The following HMCN1 variants were observed in gnomAD, a reference collection of about 807,000 sequenced individuals.
HMCN1 encodes the protein hemicentin-1.
HMCN1 carries 321 observed loss-of-function variants against 625.9 expected under a neutral mutation model. The observed-to-expected ratio is 0.51, with a 90% CI of 0.47 to 0.56. The LOEUF is 0.56. Among genes scored for constraint, HMCN1 ranks in the 20% least tolerant of loss-of-function variants. The pLI, the probability that HMCN1 is intolerant of heterozygous loss-of-function variation, is 0.00. For synonymous variants in HMCN1, 2,425 were observed against 2,417.6 expected (o/e 1.00, Z -0.09); for missense variants, 6,588 against 6,887.3 (o/e 0.96, Z 1.54).
chr1:185,888,560 G>C (rs1219919577), intron 4 of HMCN1, among the ~76,000 whole-genome samples: 7 of 142,952 alleles, frequency 4.9e-5, no homozygotes, highest in South Asian at 2.1e-4. Flanking sequence ...ATTTATTAAA[G>C]AGGGAATCCT....
chr1:185,852,473 G>A (rs1662221254), intron 2 of HMCN1, among the ~76,000 whole-genome samples: 1 of 151,596 alleles, frequency 6.6e-6, no homozygotes, highest in South Asian at 2.1e-4. Context: ...AGCTATCAGA[G>A]GTTTGATTTT....
Position 186,083,062 on chromosome 1 carries a change from A to G in HMCN1, c.8884+101A>G, listed in dbSNP as rs1189310930. Reference sequence around the variant, plus strand: ...GCTTATTTTGTATTTTTTAACTTAAACAATGTGAGGAGCCTATACTCATTC... The same window carrying G: ...GCTTATTTTGTATTTTTTAACTTAAGCAATGTGAGGAGCCTATACTCATTC... On this transcript the variant is annotated intron_variant, in intron 57 of 106. Coordinates refer to ENST00000271588, the MANE Select transcript of HMCN1 (RefSeq NM_031935.3). 3 of 578,512 alleles carry G rather than the reference A, an allele frequency of 5.2e-6. No homozygotes were observed. In the East Asian group the frequency reaches 9.3e-5, roughly 18 times the overall value. The allele number at this position is 578,512 out of a possible 1,614,324, so 35.8% of individuals were successfully genotyped here.
At chr1:185,981,392 A>G (rs1651626091) in intron 17 of HMCN1, among the ~76,000 whole-genome samples, 1 of 151,974 alleles carries the variant, frequency 6.6e-6, no homozygotes, top group Non-Finnish European at 1.5e-5. Flanking sequence ...TACATTTGTT[A>G]TTTTAGTCAA....
chr1:185,960,310 G>A (rs1036561720), intron 11 of HMCN1, among the ~76,000 whole-genome samples: 28 of 151,774 alleles, frequency 1.8e-4, no homozygotes, highest in African/African-American at 6.3e-4. Context: ...TGTATTTTTG[G>A]TAGAGACAGA....
chr1:185,987,599 C>A, intron 20 of HMCN1, 55 bp downstream of exon 20: 1 of 1,150,258 alleles, frequency 8.7e-7, no homozygotes, highest in Non-Finnish European at 1.3e-6. Context: ...AGTTCACCTG[C>A]AAGTTATCCC....
chr1:185,941,165 T>A (rs190101026), intron 11 of HMCN1, among the ~76,000 whole-genome samples: 98 of 152,298 alleles, frequency 6.4e-4, no homozygotes, highest in Non-Finnish European at 9.4e-4. Flanking sequence ...CTCTGAATAC[T>A]TTTTAAAGAG....
At chr1:185,836,938 T>C (rs1219909658) in intron 1 of HMCN1, among the ~76,000 whole-genome samples, 1 of 152,042 alleles carries the variant, frequency 6.6e-6, no homozygotes, top group Admixed American at 6.6e-5. Flanking sequence ...GCTCCATCCA[T>C]GTTGCTGTAA....
At chr1:186,088,303 T>C in intron 62 of HMCN1, 27 bp downstream of exon 62, 1 of 1,612,004 alleles carries the variant, frequency 6.2e-7, no homozygotes, top group Non-Finnish European at 8.5e-7. Context: ...TTTTTGTGTG[T>C]GTGTGTGTTT....
intron 1 of HMCN1, among the ~76,000 whole-genome samples, chr1:185,791,968 G>A (rs988818859): frequency 2.6e-5 from 4 of 152,120 alleles, no homozygotes; most frequent in Non-Finnish European, 5.9e-5. Context: ...TGGGTAGATG[G>A]ATTAATTTAA....
chr1:186,136,798 C>T lies in HMCN1; in HGVS notation c.13443C>T (p.Ser4481=), dbSNP rs189512911. The T allele has an allele frequency of 2.5e-6, 4 of 1,614,016 alleles. No individual in the cohort carries two copies. The highest frequency in any genetic ancestry group is 2.2e-5 in the East Asian group (1 of 44,854). The part of the protein sequence containing the change: ...ITWSRQGHSI[S]WDDRVNVLSN... ...GGTCCCGTCAAGGGCACTCTATTTC[C>T]TGGGATGACCGGGTTAACGTGTTGT... The change falls in exon 87 of 107, where the codon TCC becomes TCT. Residue 4481 remains serine, a synonymous_variant. Coordinates refer to ENST00000271588, the MANE Select transcript of HMCN1 (RefSeq NM_031935.3).
chr1:185,809,580 C>T (rs1659384906), intron 1 of HMCN1, among the ~76,000 whole-genome samples: 2 of 151,760 alleles, frequency 1.3e-5, no homozygotes, highest in Admixed American at 6.6e-5. Flanking sequence ...GTGATGAAGA[C>T]AGGAAAACAG....
In HMCN1 at chr1:186,067,940, A is replaced by T. The variant is rs1447116567; in HGVS notation, c.7812A>T (p.Pro2604=). ...TCTGTGAAGCTTATTCATATCCTCCAGCTACCATCACCTGGTTTAAGGATG... is the reference window on the plus strand; with the variant it reads ...TCTGTGAAGCTTATTCATATCCTCCTGCTACCATCACCTGGTTTAAGGATG... ...SLVCEAYSYP[P]ATITWFKDGT... Residue 2604 remains proline (P), a synonymous_variant, in exon 50 of 107, where the codon CCA becomes CCT. Transcript: ENST00000271588. The T allele has an allele frequency of 6.2e-7, 1 of 1,613,446 alleles. No individual in the cohort carries two copies. The highest frequency in any genetic ancestry group is 8.5e-7 in the Non-Finnish European group (1 of 1,179,528).
At chr1:186,159,075 C>T (rs1295928073) in intron 97 of HMCN1, among the ~76,000 whole-genome samples, 1 of 151,888 alleles carries the variant, frequency 6.6e-6, no homozygotes, top group Non-Finnish European at 1.5e-5. Flanking sequence ...ATGGAATGTT[C>T]TTCCATTTGT....
chr1:186,040,460 A>G (rs964067181), intron 39 of HMCN1, among the ~76,000 whole-genome samples: 3 of 152,180 alleles, frequency 2.0e-5, no homozygotes, highest in African/African-American at 7.2e-5. Context: ...CCTAACAGAA[A>G]GCATAGTATT....
intron 6 of HMCN1, among the ~76,000 whole-genome samples, chr1:185,919,692 CGTGGG>C (rs1666905998): frequency 2.0e-5 from 3 of 152,120 alleles, no homozygotes; most frequent in Admixed American, 2.0e-4. Flanking sequence ...ATGAGAAACG[CGTGGG>C]GTAGCTGTAG....
At chr1:185,812,909 T>C (rs909685415) in intron 1 of HMCN1, among the ~76,000 whole-genome samples, 4 of 152,154 alleles carry the variant, frequency 2.6e-5, no homozygotes, top group African/African-American at 9.7e-5. Context: ...AGTTTCCAAA[T>C]TTATAATACT....
intron 14 of HMCN1, 99 bp from the exon 15 acceptor site, chr1:185,970,236 G>A: frequency 8.9e-7 from 1 of 1,129,258 alleles, no homozygotes; most frequent in Non-Finnish European, 1.3e-6. Flanking sequence ...TAAAAACTTT[G>A]CAATCAACTT....
At chr1:186,178,829 C>A in intron 104 of HMCN1, 63 bp downstream of exon 104, 1 of 1,094,608 alleles carries the variant, frequency 9.1e-7, no homozygotes, top group Non-Finnish European at 1.4e-6. Flanking sequence ...AGTATGTGTA[C>A]AGCACCTGTG....
At chr1:185,966,038 C>A in intron 14 of HMCN1, 123 bp downstream of exon 14, 1 of 711,758 alleles carries the variant, frequency 1.4e-6, no homozygotes, top group Non-Finnish European at 2.6e-6. Context: ...TGTTTATGAT[C>A]TCACTGGAGA....
Sources: allele counts gnomAD v4.1 joint callset (sites outside exome capture counted in the v4.1 genomes callset), GRCh38; gene constraint gnomAD v4.1.1; transcripts MANE v1.5; gene names NCBI Gene and HGNC (gene_info 2026-07-23, HGNC 2026-07-21).